SGPP2: variants seen among roughly 807,000 people sequenced by gnomAD.
SGPP2 encodes the protein sphingosine-1-phosphate phosphatase 2, also known as sphingosine 1-phosphate phosphohydrolase 2.
A neutral mutation model predicts 33.9 loss-of-function variants in SGPP2; 30 were observed. The observed-to-expected ratio is 0.89, with a 90% confidence interval of 0.66 to 1.20. SGPP2 has a LOEUF of 1.20. SGPP2 is among the 50% of genes most tolerant of loss of function. SGPP2 has a pLI of 0.00. For missense variants in SGPP2, 458 were observed against 532.1 expected, an observed-to-expected ratio of 0.86 and a Z score of 1.37; for synonymous variants, 233 against 225.0, an observed-to-expected ratio of 1.04 and a Z score of -0.32.
At chr2:222,428,283 A>C (rs1188126039) in intron 1 of SGPP2, among the ~76,000 whole-genome samples, 1 of 152,206 alleles carries the variant, frequency 6.6e-6, no homozygotes, top group Non-Finnish European at 1.5e-5. Context: ...CCTGAGCAGA[A>C]GGCAGGATCC....
intron 1 of SGPP2, among the ~76,000 whole-genome samples, chr2:222,449,470 A>AT (rs11390234): frequency 0.74 from 104,887 of 141,228 alleles, 39,028 homozygotes; most frequent in Middle Eastern, 0.85. Flanking sequence ...AGGTCAGCCA[A>AT]TTTTTTTTTT....
intron 2 of SGPP2, among the ~76,000 whole-genome samples, chr2:222,480,079 C>G (rs1698006471): frequency 6.6e-6 from 1 of 152,218 alleles, no homozygotes; most frequent in African/African-American, 2.4e-5. Context: ...AGATGAGTCA[C>G]TACCCCATGG....
intron 2 of SGPP2, among the ~76,000 whole-genome samples, chr2:222,480,703 C>T (rs906878052): frequency 3.3e-5 from 5 of 152,186 alleles, no homozygotes; most frequent in Admixed American, 3.3e-4. Flanking sequence ...TGTCAGTACC[C>T]GCTTATCATC....
chr2:222,444,953 T>C (rs1350078400), intron 1 of SGPP2, among the ~76,000 whole-genome samples: 6 of 152,178 alleles, frequency 3.9e-5, no homozygotes, highest in Non-Finnish European at 7.4e-5. Flanking sequence ...ATAAAGCTTT[T>C]AGCATGCAAG....
At chr2:222,519,662 A>G (rs1698654145) in intron 2 of SGPP2, among the ~76,000 whole-genome samples, 2 of 152,232 alleles carry the variant, frequency 1.3e-5, no homozygotes, top group South Asian at 4.1e-4. Context: ...TAGTTTTTCA[A>G]CCTACTCCCT....
At chr2:222,545,283 C>CT (rs544252205) in intron 4 of SGPP2, among the ~76,000 whole-genome samples, 10,663 of 135,912 alleles carry the variant, frequency 0.078, 654 homozygotes, top group African/African-American at 0.17. Context: ...GAGCTTATGG[C>CT]TTTTTTTTTT....
At chr2:222,549,971 G>A (rs988961113) in intron 4 of SGPP2, among the ~76,000 whole-genome samples, 1 of 151,620 alleles carries the variant, frequency 6.6e-6, no homozygotes, top group Non-Finnish European at 1.5e-5. Flanking sequence ...CCACCTCCCG[G>A]GTTCAAGCAA....
chr2:222,452,168 G>A (rs1697501450), intron 1 of SGPP2, among the ~76,000 whole-genome samples: 1 of 151,998 alleles, frequency 6.6e-6, no homozygotes. Flanking sequence ...TAGCAGCCAA[G>A]GTTATTAAAA....
In SGPP2 at chr2:222,521,895, G is replaced by T; in HGVS notation, c.507G>T (p.Ala169=). 6.2e-7 allele frequency: 1 copy of T among 1,606,212 alleles called. No homozygotes were observed. The part of the protein sequence containing the change: ...EYGMPSTHAM[A]ATAIAFTLLI... ...GAATGCCATCCACCCACGCCATGGC[G>T]GCCACTGCCATTGCCTTCACCCTCC... Residue 169 remains alanine (A), a synonymous_variant, in exon 3 of 5, where the codon GCG becomes GCT. Transcript: ENST00000321276.
intron 2 of SGPP2, among the ~76,000 whole-genome samples, chr2:222,492,739 C>T (rs1698217277): frequency 1.3e-5 from 2 of 152,234 alleles, no homozygotes; most frequent in Non-Finnish European, 2.9e-5. Flanking sequence ...ATGGCATTGT[C>T]AGGCTGCAAA....
intron 3 of SGPP2, among the ~76,000 whole-genome samples, 164 bp downstream of exon 3, chr2:222,522,110 A>T (rs1698695470): frequency 6.6e-6 from 1 of 152,280 alleles, no homozygotes; most frequent in Admixed American, 6.5e-5. Flanking sequence ...CATCATAAAT[A>T]AAGTGACTAT....
chr2:222,461,063 G>C (rs1019930748), intron 1 of SGPP2, among the ~76,000 whole-genome samples: 1 of 152,062 alleles, frequency 6.6e-6, no homozygotes, highest in Non-Finnish European at 1.5e-5. Flanking sequence ...GCTGTTTTTC[G>C]AATCTTTTTA....
intron 2 of SGPP2, among the ~76,000 whole-genome samples, chr2:222,513,735 C>T (rs1394163331): frequency 1.3e-5 from 2 of 152,002 alleles, no homozygotes; most frequent in African/African-American, 4.8e-5. Flanking sequence ...GCAATGTGAC[C>T]GCAGAGGTGG....
chr2:222,458,298 T>C (rs1192377705), intron 1 of SGPP2, among the ~76,000 whole-genome samples: 2 of 151,886 alleles, frequency 1.3e-5, no homozygotes, highest in African/African-American at 2.4e-5. Flanking sequence ...CAAGTGATCC[T>C]CCTGCCACAT....
intron 1 of SGPP2, among the ~76,000 whole-genome samples, chr2:222,467,986 A>AAAAAAAAAAAAAAAAAAAAAAAAAAC (rs1184470288): frequency 7.1e-6 from 1 of 141,482 alleles, no homozygotes; most frequent in East Asian, 2.1e-4. Flanking sequence ...AAAAAAAAAA[A>AAAAAAAAAAAAAAAAAAAAAAAAAAC]AACAGAGGAA....
intron 1 of SGPP2, chr2:222,452,705 C>G (rs1435057796): frequency 1.5e-6 from 2 of 1,377,904 alleles, no homozygotes; most frequent in Non-Finnish European, 2.1e-6. Flanking sequence ...TTGAATTGCT[C>G]CAGGTCTGGT....
intron 4 of SGPP2, among the ~76,000 whole-genome samples, chr2:222,541,853 C>T (rs56138444): frequency 0.024 from 3,615 of 152,176 alleles, 154 homozygotes; most frequent in African/African-American, 0.079. Context: ...CCACCCACCC[C>T]GGCCTCCCAA....
intron 1 of SGPP2, 61 bp downstream of exon 1, chr2:222,424,882 C>T: frequency 2.4e-6 from 3 of 1,228,856 alleles, no homozygotes; most frequent in Middle Eastern, 3.1e-4. Context: ...GTGCGGGTCC[C>T]TGCGACTCCG....
chr2:222,515,146 T>C (rs1035538969), intron 2 of SGPP2, among the ~76,000 whole-genome samples: 1 of 152,130 alleles, frequency 6.6e-6, no homozygotes, highest in Non-Finnish European at 1.5e-5. Flanking sequence ...CTTCAAGTCT[T>C]GATGTCCTCA....
Sources: gnomAD v4.1 joint callset for allele counts (sites outside exome capture counted in the v4.1 genomes callset) on GRCh38, gnomAD v4.1.1 for gene constraint, MANE v1.5 for transcripts, NCBI Gene and HGNC (gene_info 2026-07-23, HGNC 2026-07-21) for gene names.